The following ASAP3 variants were observed in gnomAD, a reference collection of about 807,000 sequenced individuals.
ASAP3 encodes the protein arf-GAP with SH3 domain, ANK repeat and PH domain-containing protein 3.
A neutral mutation model predicts 118.2 loss-of-function variants in ASAP3; 85 were observed. The ratio of observed to expected loss-of-function variants is 0.72; its 90% CI spans 0.60 to 0.86. ASAP3 has a LOEUF of 0.86. ASAP3 is among the 40% of genes least tolerant of loss of function. The pLI is 0.00. For missense variants in ASAP3, 1,026 were observed against 1,175.0 expected (o/e 0.87, Z 1.85); for synonymous variants, 432 against 477.4 (o/e 0.90, Z 1.24).
rs775384496 is a variant in ASAP3 at position 23,441,064 on chromosome 1, T to C, written c.944+38A>G. On this transcript the variant is annotated intron_variant, in intron 10 of 24. Transcript: ENST00000336689. ...CCAACCCTGTCATTTACTTGCAGTG[T>C]GACATTGGGCAAATTATGTAAGCTC... The C allele has an allele frequency of 5.7e-6, 9 of 1,587,906 alleles. No individual in the cohort carries two copies. In the East Asian group the frequency reaches 2.0e-4, roughly 35 times the overall value.
intron 24 of ASAP3, 41 bp downstream of exon 24, chr1:23,430,994 C>T (rs1470594153): frequency 6.7e-7 from 1 of 1,490,550 alleles, no homozygotes; most frequent in Non-Finnish European, 9.0e-7. Flanking sequence ...CTCCCAGGCA[C>T]CCTGCCACCG....
In ASAP3 at chr1:23,436,712, T is replaced by A; in HGVS notation, c.1477-58A>T. On this transcript the variant is annotated intron_variant, in intron 15 of 24. Transcript: ENST00000336689. This position sits in a 1 kb window ranked among gnomAD's most constrained non-coding sequence, Gnocchi z 4.2. ...GTAAGACCGGGCGGTTAAGCCTGCA[T>A]AGGGTGGAGCTCCAAGCCCCCAGAG... The A allele has an allele frequency of 1.2e-6, 2 of 1,604,226 alleles. No homozygotes were observed. The highest frequency in any genetic ancestry group is 1.7e-6 in the Non-Finnish European group (2 of 1,171,498).
chr1:23,451,171 T>C (rs1016339928), intron 5 of ASAP3, among the ~76,000 whole-genome samples: 5 of 152,182 alleles, frequency 3.3e-5, no homozygotes, highest in African/African-American at 9.7e-5. Flanking sequence ...GAAGATTAAA[T>C]GGCCAGCACG....
At chr1:23,484,207 C>A (rs567943338), upstream of ASAP3, 1,880 of 1,205,244 alleles carry the variant, frequency 1.6e-3, 17 homozygotes, top group African/African-American at 0.027. Flanking sequence ...GCCGGCCTCA[C>A]CGCCGGCCGG....
rs1641257073 is a variant in ASAP3, at chr1:23,452,681, C to T, written c.423+16G>A. 6.2e-7 allele frequency: 1 copy of T among 1,612,810 alleles called. No homozygotes were observed. The highest frequency in any genetic ancestry group is 1.3e-5 in the African/African-American group (1 of 74,890). On this transcript the variant is annotated intron_variant, in intron 4 of 24. Coordinates refer to ENST00000336689, the MANE Select transcript of ASAP3 (RefSeq NM_017707.4). ...TTTTACTCTGTCCCACCACCACTCCCAGCATGGAGACTCACCTGTCGACCG... is the reference window on the plus strand; with the variant it reads ...TTTTACTCTGTCCCACCACCACTCCTAGCATGGAGACTCACCTGTCGACCG...
chr1:23,480,668 C>T (rs1642277572), intron 1 of ASAP3, among the ~76,000 whole-genome samples: 1 of 152,178 alleles, frequency 6.6e-6, no homozygotes, highest in Admixed American at 6.5e-5. Context: ...CCTTAGTGTC[C>T]TTTATGTCCA....
In ASAP3 at chr1:23,436,693, C is replaced by T. The variant is rs755367603; in HGVS notation, c.1477-39G>A. 2 of 1,612,164 alleles carry T rather than the reference C, an allele frequency of 1.2e-6. No individual in the cohort carries two copies. Among genetic ancestry groups the T allele is most frequent in the South Asian group, 2.2e-5 (2 of 91,026 alleles). ...AAAATAGACGTGGGGCGGAGTAAGA[C>T]CGGGCGGTTAAGCCTGCATAGGGTG... is the stretch of plus-strand genomic sequence containing the variant. On this transcript the variant is annotated intron_variant, in intron 15 of 24. Coordinates refer to ENST00000336689, the MANE Select transcript of ASAP3 (RefSeq NM_017707.4). The surrounding 1 kb of genome is among the most constrained non-coding windows in gnomAD (Gnocchi z 4.2).
chr1:23,440,500 C>CAAAA lies in ASAP3; in HGVS notation c.944+598_944+601dup, dbSNP rs35344912. On this transcript the variant is annotated intron_variant, in intron 10 of 24. Transcript: ENST00000336689. ...TGGGTGACGGAGGGAGACTCCATCT[C>CAAAA]AAAAAAAAAAAAAAAAAAAAAAAAA... is the stretch of plus-strand genomic sequence containing the variant. Among the ~76,000 whole-genome samples, 52 of 24,326 alleles carry CAAAA rather than the reference C, an allele frequency of 2.1e-3. 1 individual carries two copies. The highest frequency in any genetic ancestry group is 3.7e-3 in the African/African-American group (18 of 4,840). The allele number at this position is 24,326 out of a possible 152,430, so 16.0% of individuals were successfully genotyped here.
chr1:23,464,082 C>A (rs1368386799), intron 1 of ASAP3, among the ~76,000 whole-genome samples: 1 of 151,910 alleles, frequency 6.6e-6, no homozygotes, highest in African/African-American at 2.4e-5. Context: ...CTCCTATCAT[C>A]CCAGCACTTT....
At chr1:23,439,777 C>A (rs1356598810) in intron 10 of ASAP3, among the ~76,000 whole-genome samples, 3 of 152,120 alleles carry the variant, frequency 2.0e-5, no homozygotes, top group Non-Finnish European at 4.4e-5. Context: ...ATGAATATAT[C>A]CCACAAGGGC....
At chr1:23,479,251 G>A (rs143637407) in intron 1 of ASAP3, among the ~76,000 whole-genome samples, 39 of 151,060 alleles carry the variant, frequency 2.6e-4, no homozygotes, top group African/African-American at 7.0e-4. Flanking sequence ...ATGAATGAGC[G>A]AAAGCACTGA....
intron 17 of ASAP3, among the ~76,000 whole-genome samples, chr1:23,435,257 G>T (rs573753778): frequency 6.6e-6 from 1 of 152,300 alleles, no homozygotes; most frequent in South Asian, 2.1e-4. Context: ...CTGAACTCCT[G>T]GGCTCAAGTG....
At chr1:23,465,707 G>T (rs1641746039) in intron 1 of ASAP3, among the ~76,000 whole-genome samples, 1 of 151,968 alleles carries the variant, frequency 6.6e-6, no homozygotes, top group South Asian at 2.1e-4. Flanking sequence ...TCGCCATCTT[G>T]ACCAGGCTGG....
Position 23,453,257 on chromosome 1 carries a change from G to T in ASAP3, c.349-486C>A, listed in dbSNP as rs925010904. On this transcript the variant is annotated intron_variant, in intron 3 of 24. Coordinates refer to ENST00000336689, the MANE Select transcript of ASAP3 (RefSeq NM_017707.4). ...CGCTTCAGAGCCTCCCCTATTAATGGTCATAGAACCCCCTTTCCTGTGGGG... is the reference window on the plus strand; with the variant it reads ...CGCTTCAGAGCCTCCCCTATTAATGTTCATAGAACCCCCTTTCCTGTGGGG... Among the ~76,000 whole-genome samples, 5 of 152,260 alleles carry T rather than the reference G, an allele frequency of 3.3e-5. No individual in the cohort carries two copies. The East Asian group carries it at 9.7e-4, about 29-fold the overall frequency.
chr1:23,466,126 T>C (rs893409632), intron 1 of ASAP3, among the ~76,000 whole-genome samples: 2 of 152,156 alleles, frequency 1.3e-5, no homozygotes, highest in African/African-American at 4.8e-5. Context: ...TCAGAGAGGA[T>C]TCCCAGGACT....
At position 23,437,467 on chromosome 1, in the gene ASAP3, G is replaced by C. The variant is rs1640719734; in HGVS notation, c.1108C>G (p.Arg370Gly). The C allele has an allele frequency of 6.2e-7, 1 of 1,614,112 alleles. No homozygotes were observed. The highest frequency in any genetic ancestry group is 8.5e-7 in the Non-Finnish European group (1 of 1,180,004). ...TCCTCTGCCTGAAAGTGGTACGTCC[G>C]GTTGTCTGTCGGGAGAGAAGGGGGC... ...KKCFDLVTHN[R>G]TYHFQAEDEH... Residue 370 changes from arginine to glycine, a missense_variant, in exon 13 of 25, where the codon CGG (arginine) becomes GGG (glycine). Transcript: ENST00000336689. The surrounding 1 kb of genome is among the most constrained non-coding windows in gnomAD (Gnocchi z 6.1).
intron 4 of ASAP3, 43 bp downstream of exon 4, chr1:23,452,652 CCT>C (rs778882978): frequency 4.4e-6 from 7 of 1,593,388 alleles, no homozygotes; most frequent in South Asian, 3.3e-5. Flanking sequence ...CCTGCCCACC[CCT>C]CTTTTACTCT....
At chr1:23,472,711 A>T (rs1641998962) in intron 1 of ASAP3, among the ~76,000 whole-genome samples, 1 of 152,108 alleles carries the variant, frequency 6.6e-6, no homozygotes, top group Non-Finnish European at 1.5e-5. Flanking sequence ...ATGTTTCCTG[A>T]TCTTTTTAAC....
At chr1:23,435,707 G>T in intron 17 of ASAP3, 144 bp downstream of exon 17, 2 of 966,658 alleles carry the variant, frequency 2.1e-6, no homozygotes, top group East Asian at 2.4e-5. Context: ...CTGAAGCTGT[G>T]CTCTTTCCCA....
Sources: gnomAD v4.1 joint callset for allele counts (sites outside exome capture counted in the v4.1 genomes callset) on GRCh38, gnomAD v4.1.1 for gene constraint, Gnocchi (gnomAD v3.1) non-coding constraint, MANE v1.5 for transcripts, NCBI Gene and HGNC (gene_info 2026-07-23, HGNC 2026-07-21) for gene names.